The following MCC variants were observed in gnomAD, a reference collection of about 807,000 sequenced individuals.
MCC encodes MCC regulator of Wnt signaling pathway, also known as colorectal mutant cancer protein.
In MCC, 90 loss-of-function variants were observed where a neutral mutation model predicts 116.2. The observed-to-expected ratio is 0.77, with a 90% CI of 0.65 to 0.92. MCC has a LOEUF of 0.92. MCC is among the 40% of genes least tolerant of loss of function. The pLI is 0.00. For missense variants in MCC, 1,516 were observed against 1,312.2 expected (o/e 1.16, Z -2.40); for synonymous variants, 578 against 510.5 (o/e 1.13, Z -1.78).
At chr5:113,076,724 A>C (rs1754482140) in intron 11 of MCC, among the ~76,000 whole-genome samples, 1 of 152,252 alleles carries the variant, frequency 6.6e-6, no homozygotes, top group African/African-American at 2.4e-5. Flanking sequence ...TGTAAAGACC[A>C]TCAAGGCTAG....
At chr5:113,308,967 A>G (rs529740773) in intron 3 of MCC, among the ~76,000 whole-genome samples, 19 of 152,346 alleles carry the variant, frequency 1.2e-4, no homozygotes, top group Non-Finnish European at 2.2e-4. Context: ...TGCTATGGCT[A>G]GTCCCCATTG....
intron 1 of MCC, among the ~76,000 whole-genome samples, chr5:113,481,114 A>G (rs923753476): frequency 1.3e-5 from 2 of 152,200 alleles, no homozygotes; most frequent in African/African-American, 4.8e-5. Flanking sequence ...TTTTAGAATT[A>G]TTTTAAACAA....
chr5:113,484,084 A>T (rs1772450961), intron 1 of MCC, among the ~76,000 whole-genome samples: 1 of 152,108 alleles, frequency 6.6e-6, no homozygotes, highest in Non-Finnish European at 1.5e-5. Context: ...AGGAAAAATA[A>T]CTAATGGGTA....
At chr5:113,230,493 T>A (rs530144044) in intron 3 of MCC, among the ~76,000 whole-genome samples, 21 of 152,322 alleles carry the variant, frequency 1.4e-4, no homozygotes, top group African/African-American at 5.0e-4. Flanking sequence ...CCTTCTAGCA[T>A]AATGAGCTGA....
At chr5:113,443,196 T>C (rs1771098342) in intron 1 of MCC, among the ~76,000 whole-genome samples, 3 of 152,196 alleles carry the variant, frequency 2.0e-5, no homozygotes, top group African/African-American at 7.2e-5. Context: ...GTAGTTCTCC[T>C]TGAAGAGGTC....
intron 3 of MCC, among the ~76,000 whole-genome samples, chr5:113,313,966 G>A (rs1450015947): frequency 6.6e-6 from 1 of 152,106 alleles, no homozygotes; most frequent in Admixed American, 6.5e-5. Context: ...GACCACAGGT[G>A]CAGGCCACCA....
In MCC at chr5:113,042,167, C is replaced by CA. The variant is rs376911509; in HGVS notation, c.2756+1362dup. Among the ~76,000 whole-genome samples, 1,310 of 151,710 alleles carry CA rather than the reference C, an allele frequency of 8.6e-3. 22 individuals are homozygous for CA. The highest frequency in any genetic ancestry group is 0.029 in the African/African-American group (1,219 of 41,330). ...GAAGAAACAGAATTAATACAGCAGACAAAAAAGATGAAGGAATTTAAGGGC... is the reference window on the plus strand; with the variant it reads ...GAAGAAACAGAATTAATACAGCAGACAAAAAAAGATGAAGGAATTTAAGGGC... On this transcript the variant is annotated intron_variant, in intron 17 of 18. Transcript: ENST00000408903.
intron 3 of MCC, among the ~76,000 whole-genome samples, chr5:113,276,750 C>G (rs74555668): frequency 6.6e-6 from 1 of 152,006 alleles, no homozygotes; most frequent in Non-Finnish European, 1.5e-5. Context: ...CTTCAGCTTC[C>G]CGAGTGGCTG....
intron 5 of MCC, among the ~76,000 whole-genome samples, chr5:113,132,914 T>C (rs1360594948): frequency 6.6e-6 from 1 of 152,198 alleles, no homozygotes; most frequent in South Asian, 2.1e-4. Context: ...TGGCAGTCAA[T>C]GGAATCATTT....
chr5:113,051,750 C>T (rs1457372006), intron 15 of MCC, among the ~76,000 whole-genome samples: 2 of 150,608 alleles, frequency 1.3e-5, no homozygotes, highest in East Asian at 3.9e-4. Context: ...AAACAAACAA[C>T]AACAAAAAGA....
At chr5:113,255,316 A>C (rs928444999) in intron 3 of MCC, among the ~76,000 whole-genome samples, 35 of 152,168 alleles carry the variant, frequency 2.3e-4, no homozygotes, top group Non-Finnish European at 1.2e-4. Context: ...AAAGTTTTGC[A>C]ATTTTTCCTT....
intron 9 of MCC, 62 bp downstream of exon 9, chr5:113,085,102 G>A: frequency 6.2e-7 from 1 of 1,609,444 alleles, no homozygotes; most frequent in Non-Finnish European, 8.5e-7. Flanking sequence ...GCTAGGATGA[G>A]CCTGGTGCTT....
At position 113,385,082 on chromosome 5, in the gene MCC, C is replaced by G; in HGVS notation, c.301G>C (p.Val101Leu). The part of the protein sequence containing the change: ...QDFTRCRMQL[V>L]REIRKEEVDL... ...ACTTCCTCCTTCCTAATTTCTCGAACAAGCTGCATGCGGCATCTTGTGAAA... is the reference window on the plus strand; with the variant it reads ...ACTTCCTCCTTCCTAATTTCTCGAAGAAGCTGCATGCGGCATCTTGTGAAA... The change falls in exon 2 of 19, where the codon GTT becomes CTT. Residue 101 changes from valine (V) to leucine (L), a missense_variant. By Grantham distance (32) the Val-to-Leu change is conservative (BLOSUM62 1). Transcript: ENST00000408903. 5.6e-6 allele frequency: 9 copies of G among 1,614,230 alleles called. No individual in the cohort carries two copies. The highest frequency in any genetic ancestry group is 7.6e-6 in the Non-Finnish European group (9 of 1,180,046).
chr5:113,144,140 G>A (rs1304797052), intron 4 of MCC, among the ~76,000 whole-genome samples: 2 of 152,166 alleles, frequency 1.3e-5, no homozygotes, highest in Non-Finnish European at 2.9e-5. Context: ...AGCAGAAATA[G>A]TGATAAAAGA....
chr5:113,110,589 C>G (rs1168667087), intron 6 of MCC, among the ~76,000 whole-genome samples: 1 of 152,142 alleles, frequency 6.6e-6, no homozygotes, highest in Non-Finnish European at 1.5e-5. Context: ...AAGTTGTAGA[C>G]CATTTAAAGC....
chr5:113,077,143 C>T (rs1754513390), intron 11 of MCC, among the ~76,000 whole-genome samples: 2 of 152,058 alleles, frequency 1.3e-5, no homozygotes, highest in East Asian at 1.9e-4. Flanking sequence ...ACAGGAGCAC[C>T]CAGATTCATA....
intron 5 of MCC, among the ~76,000 whole-genome samples, chr5:113,134,940 ACTT>A (rs2150280249): frequency 1.6e-5 from 2 of 126,142 alleles, no homozygotes; most frequent in Non-Finnish European, 3.4e-5. Context: ...GAGAACTTTT[ACTT>A]CTTTTTTTTT....
In MCC at chr5:113,202,149, C is replaced by T. The variant is rs185810060; in HGVS notation, c.628-50727G>A. Among the ~76,000 whole-genome samples, 3 of 152,164 alleles carry T rather than the reference C, an allele frequency of 2.0e-5. No homozygotes were observed. In the East Asian group the frequency reaches 5.8e-4, roughly 29 times the overall value. Reference sequence around the variant, plus strand: ...CCACCAAAATCTGCTGTCTGCCTTCCTTGCCTTAGACACTTCTGAATGAAT... The same window carrying T: ...CCACCAAAATCTGCTGTCTGCCTTCTTTGCCTTAGACACTTCTGAATGAAT... On this transcript the variant is annotated intron_variant, in intron 3 of 18. Transcript: ENST00000408903.
intron 2 of MCC, among the ~76,000 whole-genome samples, chr5:113,367,189 G>A (rs752994918): frequency 6.6e-6 from 1 of 150,824 alleles, no homozygotes; most frequent in African/African-American, 2.5e-5. Context: ...TATTCATTAT[G>A]TAAATAATGA....
Sources: gnomAD v4.1 joint callset for allele counts (sites outside exome capture counted in the v4.1 genomes callset) on GRCh38, gnomAD v4.1.1 for gene constraint, MANE v1.5 for transcripts, NCBI Gene and HGNC (gene_info 2026-07-23, HGNC 2026-07-21) for gene names.